Variants in INTS7 observed in about 807,000 individuals in gnomAD.
The protein encoded by INTS7 is integrator complex subunit 7.
Under a neutral mutation model 109.2 loss-of-function variants are expected in INTS7, and 46 were observed. The observed-to-expected ratio is 0.42, with a 90% CI of 0.33 to 0.54. The LOEUF (loss-of-function observed/expected upper bound fraction) is 0.54, where lower values mean the gene tolerates loss of function less well. INTS7 is among the 20% of genes least tolerant of loss of function. The pLI, the probability that INTS7 is intolerant of heterozygous loss-of-function variation, is 0.07. For synonymous variants in INTS7, 412 were observed against 402.9 expected, an observed-to-expected ratio of 1.02 and a Z score of -0.27; for missense variants, 929 against 1,132.4, an observed-to-expected ratio of 0.82 and a Z score of 2.58.
chr1:211,953,175 G>A (rs999501510), intron 16 of INTS7, among the ~76,000 whole-genome samples: 10 of 152,146 alleles, frequency 6.6e-5, no homozygotes, highest in African/African-American at 2.4e-4. Context: ...TTGGAGAGAT[G>A]GAAAGTACAG....
chr1:211,974,011 AC>A (rs1381450312), intron 13 of INTS7, among the ~76,000 whole-genome samples: 1 of 152,068 alleles, frequency 6.6e-6, no homozygotes, highest in Non-Finnish European at 1.5e-5. Context: ...CATTAAATAC[AC>A]ATACCACACA....
At chr1:211,953,120 AAG>A (rs1048007217) in intron 16 of INTS7, among the ~76,000 whole-genome samples, 3 of 152,230 alleles carry the variant, frequency 2.0e-5, no homozygotes, top group African/African-American at 4.8e-5. Context: ...GTCACAGAAG[AAG>A]AGAGTCTTGA....
In INTS7 at chr1:211,946,079, T is replaced by G. The variant is rs1409914833; in HGVS notation, c.2415+528A>C. On this transcript the variant is annotated intron_variant, in intron 18 of 19. Transcript: ENST00000366994. The surrounding 1 kb of genome is among the most constrained non-coding windows in gnomAD (Gnocchi z 4.3). ...TCCAGTTACCCAAATGCCTGTCTCA[T>G]AGAATTTGGCACTGACAATTAAAAA... 6.6e-6 allele frequency among the ~76,000 whole-genome samples: 1 copy of G among 152,232 alleles called. No homozygotes were observed. Among genetic ancestry groups the G allele is most frequent in the Non-Finnish European group, 1.5e-5 (1 of 68,046 alleles).
At chr1:211,998,131 A>T (rs912660346) in intron 7 of INTS7, among the ~76,000 whole-genome samples, 3 of 152,190 alleles carry the variant, frequency 2.0e-5, no homozygotes, top group Non-Finnish European at 4.4e-5. Flanking sequence ...GCTGATTTTT[A>T]AAATTATTTT....
At chr1:212,032,854 C>T (rs1667232864) in intron 1 of INTS7, among the ~76,000 whole-genome samples, 1 of 152,242 alleles carries the variant, frequency 6.6e-6, no homozygotes, top group Admixed American at 6.5e-5. Context: ...GCTTCTACCT[C>T]AGGGCCTTTG....
Position 211,952,595 on chromosome 1 carries a change from G to C in INTS7, c.2290C>G (p.Arg764Gly). The C allele has an allele frequency of 6.2e-7, 1 of 1,612,798 alleles. No individual in the cohort carries two copies. The change falls in exon 17 of 20, where the codon CGG becomes GGG. Residue 764 changes from arginine (R) to glycine (G), a missense_variant. Physicochemically the swap from Arg to Gly is moderately radical, Grantham distance 125 (BLOSUM62 -2). This residue lies in a region of INTS7 where 787 missense variants were observed against 901.1 expected (regional missense o/e 0.87). Transcript: ENST00000366994. ...HVLEEVESLN[R>G]KYTPVSYMHT... Reference sequence around the variant, plus strand: ...ATATAAGAAACAGGGGTATATTTCCGATTGAGTGATTCTACCTCCTCCAAG... The same window carrying C: ...ATATAAGAAACAGGGGTATATTTCCCATTGAGTGATTCTACCTCCTCCAAG...
intron 17 of INTS7, among the ~76,000 whole-genome samples, chr1:211,948,177 G>T (rs1662924494): frequency 6.6e-6 from 1 of 151,826 alleles, no homozygotes; most frequent in African/African-American, 2.4e-5. Flanking sequence ...TTTTTTTAAA[G>T]TTGGGTGTTA....
In INTS7 at chr1:211,940,681, T is replaced by A. The variant is rs1662591829; in HGVS notation, c.*1143A>T. On this transcript the variant is annotated 3_prime_UTR_variant, in exon 20 of 20. Transcript: ENST00000366994. ...GGTTTTCTGGCTAACCAGAAAACTC[T>A]GTTCCCTGAGCATCCCAACAAACTG... The A allele has an allele frequency of 6.6e-6, 1 of 152,212 alleles. No homozygotes were observed. Among genetic ancestry groups the A allele is most frequent in the African/African-American group, 2.4e-5 (1 of 41,464 alleles). The allele number at this position is 152,212 out of a possible 1,614,324, so 9.4% of individuals were successfully genotyped here. A position where few individuals can be genotyped will look rare whatever the true frequency, so the allele number is the denominator to read the frequency against.
At chr1:211,980,343 C>T (rs1049097305) in intron 10 of INTS7, among the ~76,000 whole-genome samples, 8 of 152,198 alleles carry the variant, frequency 5.3e-5, no homozygotes, top group Non-Finnish European at 1.0e-4. Context: ...CAGTTTCTTA[C>T]TTCTATTAAC....
intron 13 of INTS7, among the ~76,000 whole-genome samples, chr1:211,972,345 G>A (rs1041759512): frequency 1.3e-5 from 2 of 152,134 alleles, no homozygotes; most frequent in African/African-American, 2.4e-5. Flanking sequence ...CCTTGGGCAG[G>A]CTGAATATCA....
intron 16 of INTS7, among the ~76,000 whole-genome samples, chr1:211,960,004 G>T (rs921854889): frequency 6.6e-6 from 1 of 152,226 alleles, no homozygotes; most frequent in Admixed American, 6.5e-5. Flanking sequence ...GTGCAACTGA[G>T]GATGGATCCT....
intron 14 of INTS7, 80 bp from the exon 15 acceptor site, chr1:211,968,061 G>T: frequency 2.9e-6 from 2 of 690,126 alleles, no homozygotes; most frequent in East Asian, 3.0e-5. Flanking sequence ...ACAAAAAAAA[G>T]CACCTTCAAA....
chr1:211,984,166 A>G (rs978241343), intron 8 of INTS7, among the ~76,000 whole-genome samples: 5 of 152,084 alleles, frequency 3.3e-5, no homozygotes, highest in African/African-American at 1.2e-4. Context: ...AGTGTTTTTA[A>G]GTTAGGCAAA....
chr1:211,990,286 A>T (rs1240189016), intron 7 of INTS7, among the ~76,000 whole-genome samples: 1 of 29,940 alleles, frequency 3.3e-5, no homozygotes, highest in South Asian at 1.0e-3. Flanking sequence ...CACAGCTGAT[A>T]AAAAAAAAAA....
At chr1:211,986,758 T>C (rs1664911801) in intron 8 of INTS7, among the ~76,000 whole-genome samples, 1 of 152,176 alleles carries the variant, frequency 6.6e-6, no homozygotes, top group African/African-American at 2.4e-5. Flanking sequence ...GTCTGTGGCA[T>C]GGAAATGATT....
chr1:212,022,833 T>C lies in INTS7; in HGVS notation c.95-1621A>G, dbSNP rs1281771455. Among the ~76,000 whole-genome samples the C allele has an allele frequency of 2.0e-5, 3 of 152,334 alleles. No homozygotes were observed. The East Asian group carries it at 5.8e-4, about 29-fold the overall frequency. On this transcript the variant is annotated intron_variant, in intron 1 of 19. Coordinates refer to ENST00000366994, the MANE Select transcript of INTS7 (RefSeq NM_015434.4). ...GAGATGCTGAAGTCTGGGGTACGCA[T>C]GATCCCATTACCCAGGTAGTGAGCA...
intron 17 of INTS7, among the ~76,000 whole-genome samples, chr1:211,951,290 G>GT (rs931949760): frequency 4.6e-5 from 7 of 151,566 alleles, no homozygotes; most frequent in East Asian, 3.9e-4. Context: ...TGGGATGAGT[G>GT]TTTTTTTTGT....
intron 1 of INTS7, among the ~76,000 whole-genome samples, chr1:212,026,820 G>T (rs1666943944): frequency 6.6e-6 from 1 of 152,142 alleles, no homozygotes; most frequent in Admixed American, 6.5e-5. Context: ...TGGCTGAGAT[G>T]AAAAAGGCAT....
At chr1:212,022,738 TTTAC>T (rs1220145048) in intron 1 of INTS7, among the ~76,000 whole-genome samples, 1 of 152,210 alleles carries the variant, frequency 6.6e-6, no homozygotes, top group Non-Finnish European at 1.5e-5. Flanking sequence ...GGCTCTTTCC[TTTAC>T]TTTTCATTTT....
Sources: gnomAD v4.1 joint callset for allele counts (sites outside exome capture counted in the v4.1 genomes callset) on GRCh38, gnomAD v4.1.1 for gene constraint, gnomAD v4.1.1 regional missense constraint, Gnocchi (gnomAD v3.1) non-coding constraint, MANE v1.5 for transcripts, NCBI Gene and HGNC (gene_info 2026-07-23, HGNC 2026-07-21) for gene names.